The following ABCF1 variants were observed in gnomAD, a reference collection of about 807,000 sequenced individuals.
ABCF1 encodes the protein ATP binding cassette subfamily F member 1.
ABCF1 carries 73 observed loss-of-function variants against 126.3 expected under a neutral mutation model. The observed-to-expected ratio is 0.58, with a 90% CI of 0.48 to 0.70. The LOEUF (loss-of-function observed/expected upper bound fraction) is 0.70. ABCF1 is among the 30% of genes least tolerant of loss of function. The pLI is 0.00. For synonymous variants in ABCF1, 345 were observed against 396.4 expected, an observed-to-expected ratio of 0.87 and a Z score of 1.54; for missense variants, 786 against 1,057.5, an observed-to-expected ratio of 0.74 and a Z score of 3.56.
Position 30,583,920 on chromosome 6 carries a change from G to T in ABCF1, c.1102+30G>T. The T allele has an allele frequency of 6.2e-7, 1 of 1,609,402 alleles. No homozygotes were observed. The highest frequency in any genetic ancestry group is 8.5e-7 in the Non-Finnish European group (1 of 1,176,630). ...GACCACTGGGGAGAAAAGGGGCTTG[G>T]TGGGGTGGGCAGTTGGGTAGAAAAG... On this transcript the variant is annotated intron_variant, in intron 12 of 24. Coordinates refer to ENST00000326195, the MANE Select transcript of ABCF1 (RefSeq NM_001025091.2). This position sits in a 1 kb window ranked among gnomAD's most constrained non-coding sequence, Gnocchi z 4.1.
At chr6:30,581,174 A>C (rs1801797998) in intron 8 of ABCF1, among the ~76,000 whole-genome samples, 1 of 152,168 alleles carries the variant, frequency 6.6e-6, no homozygotes, top group Non-Finnish European at 1.5e-5. Context: ...CACCTAATCC[A>C]GTGAAGAAAG....
Position 30,585,635 on chromosome 6 carries a change from T to A in ABCF1, c.1553T>A (p.Ile518Asn). Residue 518 changes from isoleucine to asparagine, a missense_variant, in exon 16 of 25, where the codon ATC becomes AAC. By Grantham distance (149) the Ile-to-Asn change is moderately radical. Coordinates refer to ENST00000326195, the MANE Select transcript of ABCF1 (RefSeq NM_001025091.2). Reference sequence around the variant, plus strand: ...TTCTTGGATGATGTCTGCACTGATATCATCCACCTCGATGCCCAGCGGCTC... The same window carrying A: ...TTCTTGGATGATGTCTGCACTGATAACATCCACCTCGATGCCCAGCGGCTC... ...QGFLDDVCTD[I>N]IHLDAQRLHY... 1 of 1,613,044 alleles carries A rather than the reference T, an allele frequency of 6.2e-7. No homozygotes were observed. Among genetic ancestry groups the A allele is most frequent in the Non-Finnish European group, 8.5e-7 (1 of 1,180,030 alleles).
chr6:30,572,684 A>G (rs2127401547), intron 1 of ABCF1, among the ~76,000 whole-genome samples: 1 of 152,222 alleles, frequency 6.6e-6, no homozygotes, highest in African/African-American at 2.4e-5. Context: ...AATTTTTTGT[A>G]GACACAAGAT....
In ABCF1 at chr6:30,586,741, T is replaced by C; in HGVS notation, c.2031+30T>C. 1.2e-6 allele frequency: 2 copies of C among 1,611,122 alleles called. No homozygotes were observed. The highest frequency in any genetic ancestry group is 1.7e-6 in the Non-Finnish European group (2 of 1,177,934). On this transcript the variant is annotated intron_variant, in intron 20 of 24. Transcript: ENST00000326195. This position sits in a 1 kb window ranked among gnomAD's most constrained non-coding sequence, Gnocchi z 4.9. ...GTCCTGGAGCCAAGGAGGGAGAGCA[T>C]GAGAAATGTGAAGACACAGCTGCTT... is the stretch of plus-strand genomic sequence containing the variant.
At position 30,578,157 on chromosome 6, in the gene ABCF1, C is replaced by T. The variant is rs543085187; in HGVS notation, c.298C>T (p.Arg100Cys). The change falls in exon 4 of 25, where the codon CGT becomes TGT. Residue 100 changes from arginine to cysteine, a missense_variant. This residue lies in a region of ABCF1 where 322 missense variants were observed against 322.9 expected (regional missense o/e 1.00). Coordinates refer to ENST00000326195, the MANE Select transcript of ABCF1 (RefSeq NM_001025091.2). ...DDGEEKELME[R>C]LKKLSVPTSD... is the part of the protein sequence containing the mutation. ...TGGAGAAGAGAAAGAGCTCATGGAGCGTCTTAAGAAGCTCTCAGTGCCAAC... is the reference window on the plus strand; with the variant it reads ...TGGAGAAGAGAAAGAGCTCATGGAGTGTCTTAAGAAGCTCTCAGTGCCAAC... The T allele has an allele frequency of 2.6e-4, 421 of 1,613,866 alleles. No homozygotes were observed. The highest frequency in any genetic ancestry group is 3.4e-4 in the Non-Finnish European group (400 of 1,179,980).
chr6:30,578,565 TC>T lies in ABCF1; in HGVS notation c.478del (p.Arg160GlyfsTer49). 6.2e-7 allele frequency: 1 copy of T among 1,613,660 alleles called. No individual in the cohort carries two copies. The highest frequency in any genetic ancestry group is 8.5e-7 in the Non-Finnish European group (1 of 1,179,832). ...CTAAGCCTGCCAAGCCGGAGAAGAA[TC>T]GGATCAATAAGGTGACAGTGGTGGC... ...PPKPAKPEKN[R>X]INKAVSEEQQ... On this transcript the variant is annotated frameshift_variant, in exon 6 of 25. Transcript: ENST00000326195. LOFTEE classifies it high-confidence loss of function.
chr6:30,578,860 C>T lies in ABCF1; in HGVS notation c.489+283C>T, dbSNP rs555002519. Among the ~76,000 whole-genome samples the T allele has an allele frequency of 2.0e-3, 304 of 152,120 alleles. 4 individuals carry two copies. The South Asian group carries it at 0.042, about 21-fold the overall frequency. ...ACTAAAAATACAAAAATTAGCCAGG[C>T]GTGGTGGCGTGCGCCTGTAATCCCA... is the stretch of plus-strand genomic sequence containing the variant. On this transcript the variant is annotated intron_variant, in intron 6 of 24. Transcript: ENST00000326195.
At chr6:30,578,728 ACAG>A in intron 6 of ABCF1, 151 bp downstream of exon 6, 1 of 786,958 alleles carries the variant, frequency 1.3e-6, no homozygotes, top group Non-Finnish European at 2.1e-6. Flanking sequence ...CAGGCTGGGC[ACAG>A]TGGGTCACGC....
Position 30,586,854 on chromosome 6 carries a change from C to A in ABCF1, c.2031+143C>A. 1 of 933,580 alleles carries A rather than the reference C, an allele frequency of 1.1e-6. No individual in the cohort carries two copies. Among genetic ancestry groups the A allele is most frequent in the Non-Finnish European group, 1.6e-6 (1 of 611,426 alleles). The allele number at this position is 933,580 out of a possible 1,614,324, so 57.8% of individuals were successfully genotyped here. A position where few individuals can be genotyped will look rare whatever the true frequency, so the allele number is the denominator to read the frequency against. On this transcript the variant is annotated intron_variant, in intron 20 of 24. Transcript: ENST00000326195. This position sits in a 1 kb window ranked among gnomAD's most constrained non-coding sequence, Gnocchi z 4.9. Reference sequence around the variant, plus strand: ...AGATGATTCATTTCCCTAAGAGGGGCAGTAGAGGAGGAAAGAGCTTAGATC... The same window carrying A: ...AGATGATTCATTTCCCTAAGAGGGGAAGTAGAGGAGGAAAGAGCTTAGATC...
rs989149232 is a variant in ABCF1 at position 30,591,096 on chromosome 6, G to C, written c.*395G>C. The C allele has an allele frequency of 6.4e-5, 12 of 186,820 alleles. No homozygotes were observed. The highest frequency in any genetic ancestry group is 1.1e-4 in the Non-Finnish European group (10 of 91,710). 11.6% of individuals were successfully genotyped at this position (186,820 alleles called of 1,614,324 possible). Reference sequence around the variant, plus strand: ...TGCCCCCCAGTCTTTGGGTGGTGCTGTTCTTTTCTGGTGGATTTAATGCTG... The same window carrying C: ...TGCCCCCCAGTCTTTGGGTGGTGCTCTTCTTTTCTGGTGGATTTAATGCTG... On this transcript the variant is annotated 3_prime_UTR_variant, in exon 25 of 25. Transcript: ENST00000326195.
At chr6:30,572,175 C>T (rs2269710) in intron 1 of ABCF1, among the ~76,000 whole-genome samples, 103,082 of 152,050 alleles carry the variant, frequency 0.68, 35,064 homozygotes, top group South Asian at 0.81. Flanking sequence ...TGAAGATATC[C>T]TCCCAGGGTT....
Position 30,590,521 on chromosome 6 carries a change from A to G in ABCF1, c.2372-14A>G, listed in dbSNP as rs375551293. On this transcript the variant is annotated splice_polypyrimidine_tract_variant and intron_variant, in intron 24 of 24. Coordinates refer to ENST00000326195, the MANE Select transcript of ABCF1 (RefSeq NM_001025091.2). ...TTTCTTCCTGCCCTCTGTTGTTGCT[A>G]TCTTTCTTCAAAGCTGTGATCGTTG... 5.6e-6 allele frequency: 9 copies of G among 1,605,172 alleles called. No individual in the cohort carries two copies. The highest frequency in any genetic ancestry group is 6.8e-6 in the Non-Finnish European group (8 of 1,176,590).
In ABCF1 at chr6:30,571,534, G is replaced by C; in HGVS notation, c.47G>C (p.Gly16Ala). ...KQQPPEPEWIGDGESTSPSDK... is the reference protein window; with the variant it reads ...KQQPPEPEWIADGESTSPSDK... The stretch of plus-strand genomic sequence containing the variant: ...CAGCCGCCGGAGCCCGAGTGGATCG[G>C]GGACGGAGAGAGCACGAGCCCATCA... The change falls in exon 1 of 25, where the codon GGG (glycine) becomes GCG (alanine). Residue 16 changes from glycine to alanine, a missense_variant. By Grantham distance (60) the Gly-to-Ala change is moderately conservative. This residue lies in a region of ABCF1 where 322 missense variants were observed against 322.9 expected (regional missense o/e 1.00). Coordinates refer to ENST00000326195, the MANE Select transcript of ABCF1 (RefSeq NM_001025091.2). The C allele has an allele frequency of 6.2e-7, 1 of 1,610,842 alleles. No homozygotes were observed. Among genetic ancestry groups the C allele is most frequent in the Non-Finnish European group, 8.5e-7 (1 of 1,179,620 alleles).
rs1802024274 is a variant in ABCF1, at chr6:30,584,805, T to C, written c.1391+239T>C. Among the ~76,000 whole-genome samples, 1 of 152,166 alleles carries C rather than the reference T, an allele frequency of 6.6e-6. No homozygotes were observed. The highest frequency in any genetic ancestry group is 1.5e-5 in the Non-Finnish European group (1 of 68,026). Reference sequence around the variant, plus strand: ...GGTCACGCCTGTAATCCCAGCACTTTGGAAGGCAGAGGCAGGAGGATTATC... The same window carrying C: ...GGTCACGCCTGTAATCCCAGCACTTCGGAAGGCAGAGGCAGGAGGATTATC... On this transcript the variant is annotated intron_variant, in intron 14 of 24. Coordinates refer to ENST00000326195, the MANE Select transcript of ABCF1 (RefSeq NM_001025091.2). The surrounding 1 kb of genome is among the most constrained non-coding windows in gnomAD (Gnocchi z 4.6).
chr6:30,585,692 A>G lies in ABCF1; in HGVS notation c.1600+10A>G, dbSNP rs1188453516. 6.2e-7 allele frequency: 1 copy of G among 1,612,542 alleles called. No homozygotes were observed. The highest frequency in any genetic ancestry group is 1.7e-5 in the Admixed American group (1 of 59,990). On this transcript the variant is annotated intron_variant, in intron 16 of 24. Coordinates refer to ENST00000326195, the MANE Select transcript of ABCF1 (RefSeq NM_001025091.2). ...TATAGGGGCAATTACAGTAAGTAGG[A>G]TTGTGTGTGGATGCAGGGAAGAGAT...
In ABCF1 at chr6:30,590,830, G is replaced by A; in HGVS notation, c.*129G>A. On this transcript the variant is annotated 3_prime_UTR_variant, in exon 25 of 25. Coordinates refer to ENST00000326195, the MANE Select transcript of ABCF1 (RefSeq NM_001025091.2). ...GCAACCATTCAGGCACATGAAGGTG[G>A]AGTGTGACCTTGATGTGACCGGGAT... 4 of 1,024,332 alleles carry A rather than the reference G, an allele frequency of 3.9e-6. No homozygotes were observed. The highest frequency in any genetic ancestry group is 5.7e-6 in the Non-Finnish European group (4 of 705,058). 63.5% of individuals were successfully genotyped at this position (1,024,332 alleles called of 1,614,324 possible).
At chr6:30,582,067 T>G (rs1460374185) in intron 8 of ABCF1, among the ~76,000 whole-genome samples, 1 of 151,576 alleles carries the variant, frequency 6.6e-6, no homozygotes, top group African/African-American at 2.4e-5. Flanking sequence ...TTTGTTGTTT[T>G]TTTTTTTGAG....
intron 6 of ABCF1, among the ~76,000 whole-genome samples, chr6:30,579,331 C>T (rs958335394): frequency 1.1e-4 from 16 of 151,912 alleles, no homozygotes; most frequent in African/African-American, 3.1e-4. Flanking sequence ...TACAGATGGT[C>T]TCCAACTTCT....
At position 30,577,446 on chromosome 6, in the gene ABCF1, C is replaced by CA; in HGVS notation, c.118dup (p.Thr40AsnfsTer4). 1.2e-6 allele frequency: 2 copies of CA among 1,612,466 alleles called. No homozygotes were observed. The highest frequency in any genetic ancestry group is 1.3e-5 in the African/African-American group (1 of 74,776). On this transcript the variant is annotated frameshift_variant, in exon 2 of 25. Coordinates refer to ENST00000326195, the MANE Select transcript of ABCF1 (RefSeq NM_001025091.2). LOFTEE classifies it high-confidence loss of function. ...AGAAAGGGAAGAAGGACAAGAAGAT[C>CA]AAAAAAACGGTGAGAAAATGAGGGT...
Sources: allele counts gnomAD v4.1 joint callset (sites outside exome capture counted in the v4.1 genomes callset), GRCh38; gene constraint gnomAD v4.1.1; regional missense constraint gnomAD v4.1.1; non-coding constraint Gnocchi (gnomAD v3.1); transcripts MANE v1.5; gene names NCBI Gene and HGNC (gene_info 2026-07-23, HGNC 2026-07-21).